The following LIPA variants were observed in gnomAD, a reference collection of about 807,000 sequenced individuals.
LIPA encodes the protein lysosomal acid lipase/cholesteryl ester hydrolase.
Under a neutral mutation model 40.6 loss-of-function variants are expected in LIPA, and 26 were observed. The observed-to-expected ratio is 0.64, with a 90% CI of 0.47 to 0.89. The LOEUF (loss-of-function observed/expected upper bound fraction) is 0.89. Among genes scored for constraint, LIPA ranks in the 40% least tolerant of loss-of-function variants. The pLI is 0.00. For missense variants in LIPA, 455 were observed against 479.6 expected (o/e 0.95, Z 0.48); for synonymous variants, 188 against 168.4 (o/e 1.12, Z -0.90).
chr10:89,348,937 T>A (rs1843941628), intron 2 of LIPA, among the ~76,000 whole-genome samples: 1 of 152,188 alleles, frequency 6.6e-6, no homozygotes, highest in Non-Finnish European at 1.5e-5. Flanking sequence ...AATTATACAC[T>A]GAGCCTAGAA....
In LIPA at chr10:89,226,901, T is replaced by A; in HGVS notation, c.532A>T (p.Thr178Ser). ...ATCTTATTTACATACATACCTATAG[T>A]GGTGCCTTGAGAATGACCCACATAA... ...VYYVGHSQGT[T>S]IGFIAFSQIP... The change falls in exon 5 of 10, where the codon ACT becomes TCT. Residue 178 changes from threonine (T) to serine (S), a missense_variant. By Grantham distance (58) the Thr-to-Ser change is moderately conservative. Coordinates refer to ENST00000336233, the MANE Select transcript of LIPA (RefSeq NM_000235.4). 1 of 1,541,980 alleles carries A rather than the reference T, an allele frequency of 6.5e-7. No homozygotes were observed. Among genetic ancestry groups the A allele is most frequent in the African/African-American group, 1.4e-5 (1 of 73,562 alleles).
At chr10:89,340,285 G>C (rs138354395) in intron 1 of LIPA, 1 of 725,076 alleles carries the variant, frequency 1.4e-6, no homozygotes, top group East Asian at 2.8e-5. Flanking sequence ...TTGGCCGGGC[G>C]CAGTGGCTCA....
intron 3 of LIPA, among the ~76,000 whole-genome samples, chr10:89,239,286 A>T (rs1292449850): frequency 1.3e-5 from 2 of 152,224 alleles, no homozygotes; most frequent in East Asian, 3.8e-4. Context: ...AGAAACAGTC[A>T]CGGGCTGTGT....
intron 3 of LIPA, among the ~76,000 whole-genome samples, chr10:89,241,672 G>A (rs1203769682): frequency 6.6e-6 from 1 of 152,116 alleles, no homozygotes; most frequent in Non-Finnish European, 1.5e-5. Context: ...CTTTGCTGAG[G>A]CCACAGTTGA....
chr10:89,254,267 C>T (rs902279641), upstream of LIPA, among the ~76,000 whole-genome samples: 9 of 152,280 alleles, frequency 5.9e-5, no homozygotes, highest in African/African-American at 1.9e-4. Flanking sequence ...CTTTTCCACA[C>T]ATCCTCTGAA....
intron 2 of LIPA, chr10:89,393,342 G>A: frequency 7.9e-7 from 1 of 1,260,322 alleles, no homozygotes; most frequent in Non-Finnish European, 1.0e-6. Flanking sequence ...TAGGCTCTTG[G>A]TACGTCCTTG....
chr10:89,282,625 A>G (rs1239380627), intron 1 of LIPA, among the ~76,000 whole-genome samples: 1 of 152,128 alleles, frequency 6.6e-6, no homozygotes, highest in Non-Finnish European at 1.5e-5. Context: ...GGGTAACAAG[A>G]GCGAAACTCC....
chr10:89,403,918 A>ATGAGTGC, intron 2 of LIPA: 1 of 496,444 alleles, frequency 2.0e-6, no homozygotes. Flanking sequence ...AATCATTTGT[A>ATGAGTGC]TGAGTGCTAT....
intron 1 of LIPA, among the ~76,000 whole-genome samples, chr10:89,249,010 G>A (rs904653777): frequency 6.6e-6 from 1 of 152,312 alleles, no homozygotes; most frequent in Non-Finnish European, 1.5e-5. Context: ...CTATGATTTA[G>A]ACATGTTTAA....
chr10:89,338,927 T>C (rs778166338), intron 1 of LIPA: 5 of 1,613,968 alleles, frequency 3.1e-6, no homozygotes, highest in Non-Finnish European at 4.2e-6. Context: ...CAAGCAGAAA[T>C]CAGAAGTCTA....
intron 2 of LIPA, chr10:89,384,528 T>A (rs143558331): frequency 6.2e-7 from 1 of 1,613,942 alleles, no homozygotes; most frequent in South Asian, 1.1e-5. Flanking sequence ...ATTTAAAAGG[T>A]TTGAAAATAG....
At chr10:89,293,698 G>GAT (rs1254712968) in intron 1 of LIPA, 1 of 151,978 alleles carries the variant, frequency 6.6e-6, no homozygotes, top group Non-Finnish European at 1.5e-5. Flanking sequence ...GAGAGAGAGA[G>GAT]AGAGAGAGAG....
chr10:89,254,109 G>A (rs1437214614), upstream of LIPA, among the ~76,000 whole-genome samples: 3 of 152,214 alleles, frequency 2.0e-5, no homozygotes, highest in African/African-American at 7.2e-5. Context: ...GGAGGACAGT[G>A]GCTCTCTTCT....
In LIPA at chr10:89,306,869, G is replaced by A. The variant is rs1409622028; in HGVS notation, c.-2+35742C>T. On this transcript the variant is annotated intron_variant, in intron 1 of 5. Transcript: ENST00000282673. ...CCAAGTAATGAATCTAAGAGAGAATGGAATGTATGGGAAAAGAAAGTTACT... is the reference window on the plus strand; with the variant it reads ...CCAAGTAATGAATCTAAGAGAGAATAGAATGTATGGGAAAAGAAAGTTACT... The A allele has an allele frequency of 3.7e-6, 6 of 1,613,944 alleles. No individual in the cohort carries two copies. The African/African-American group carries it at 8.0e-5, about 22-fold the overall frequency.
chr10:89,373,535 A>G (rs1025578727), intron 2 of LIPA, among the ~76,000 whole-genome samples: 1 of 152,116 alleles, frequency 6.6e-6, no homozygotes, highest in Non-Finnish European at 1.5e-5. Context: ...GTAGTCTCAA[A>G]AGCAAACATC....
chr10:89,311,997 C>T (rs768617930), intron 1 of LIPA, among the ~76,000 whole-genome samples: 2 of 152,144 alleles, frequency 1.3e-5, no homozygotes, highest in Non-Finnish European at 2.9e-5. Flanking sequence ...CTGTCCCCAC[C>T]ATCTCTCTCT....
At chr10:89,248,459 T>TC (rs1418357557) in intron 1 of LIPA, among the ~76,000 whole-genome samples, 2 of 86,838 alleles carry the variant, frequency 2.3e-5, no homozygotes, top group African/African-American at 1.7e-4. Context: ...TTTATTTATT[T>TC]ATTTATTTAT....
At position 89,281,013 on chromosome 10, in the gene LIPA, A is replaced by C. The variant is rs144657661; in HGVS notation, c.-1-33364T>G. Among the ~76,000 whole-genome samples, 150 of 152,388 alleles carry C rather than the reference A, an allele frequency of 9.8e-4. 1 individual carries two copies. The highest frequency in any genetic ancestry group is 2.4e-3 in the African/African-American group (100 of 41,592). The stretch of plus-strand genomic sequence containing the variant: ...CGTTAATATATTTCCAACTATGGTC[A>C]TGCCACAGAGGAAATAATAAATAAC... On this transcript the variant is annotated intron_variant, in intron 1 of 5. Coordinates refer to the LIPA transcript ENST00000282673.
chr10:89,224,985 T>G (rs769075580), intron 6 of LIPA, 107 bp downstream of exon 6: 70 of 1,387,930 alleles, frequency 5.0e-5, no homozygotes, highest in Non-Finnish European at 7.2e-5. Flanking sequence ...TCCACTGATA[T>G]CAAAACGCAG....
Sources: allele counts gnomAD v4.1 joint callset (sites outside exome capture counted in the v4.1 genomes callset), GRCh38; gene constraint gnomAD v4.1.1; transcripts MANE v1.5; gene names NCBI Gene and HGNC (gene_info 2026-07-23, HGNC 2026-07-21).